OPCML: variants seen among roughly 807,000 people sequenced by gnomAD.
OPCML encodes the protein opioid-binding protein/cell adhesion molecule.
OPCML carries 13 observed loss-of-function variants against 37.8 expected under a neutral mutation model. The ratio of observed to expected loss-of-function variants is 0.34; its 90% CI spans 0.22 to 0.55. The LOEUF (loss-of-function observed/expected upper bound fraction) is 0.55. Ranked by LOEUF, OPCML falls within the 20% of genes least tolerant of loss-of-function variation. OPCML has a pLI of 0.91. For missense variants in OPCML, 341 were observed against 435.6 expected (o/e 0.78, Z 1.93); for synonymous variants, 176 against 168.8 (o/e 1.04, Z -0.33).
intron 1 of OPCML, among the ~76,000 whole-genome samples, chr11:133,025,726 ATTTTTTT>A (rs869296316): frequency 3.3e-5 from 3 of 91,320 alleles, no homozygotes; most frequent in South Asian, 7.8e-4. Context: ...TGCCGATTTG[ATTTTTTT>A]TTTTTTTTTT....
chr11:133,433,759 T>G (rs1168592508), intron 1 of OPCML, among the ~76,000 whole-genome samples: 3 of 152,150 alleles, frequency 2.0e-5, no homozygotes, highest in Non-Finnish European at 4.4e-5. Flanking sequence ...ATCTTCCCCC[T>G]TAACCCACTT....
intron 4 of OPCML, among the ~76,000 whole-genome samples, chr11:132,505,382 A>G (rs1048601111): frequency 5.3e-5 from 8 of 152,160 alleles, no homozygotes; most frequent in Admixed American, 2.0e-4. Flanking sequence ...TTAAAGTGGT[A>G]AGTTTTATGC....
chr11:132,421,629 T>C (rs2095959504), intron 7 of OPCML, among the ~76,000 whole-genome samples: 2 of 152,348 alleles, frequency 1.3e-5, no homozygotes, highest in Middle Eastern at 6.8e-3. Context: ...AAAATATACA[T>C]GCTTTTATGG....
At chr11:132,947,545 C>G (rs1387107418) in intron 1 of OPCML, among the ~76,000 whole-genome samples, 4 of 152,196 alleles carry the variant, frequency 2.6e-5, no homozygotes, top group African/African-American at 9.7e-5. Context: ...CTCTGTGAGC[C>G]TACAGTTGTG....
chr11:133,082,799 T>TCGCGGCC (rs1289564115), intron 1 of OPCML, among the ~76,000 whole-genome samples: 2 of 147,456 alleles, frequency 1.4e-5, no homozygotes, highest in East Asian at 4.2e-4. Flanking sequence ...CTGGGCCTCC[T>TCGCGGCC]CGCGGCCCGG....
chr11:132,988,763 C>T (rs1946724106), intron 1 of OPCML, among the ~76,000 whole-genome samples: 1 of 152,140 alleles, frequency 6.6e-6, no homozygotes, highest in Non-Finnish European at 1.5e-5. Context: ...ATTCATGCCT[C>T]CTTTAGTCTC....
intron 1 of OPCML, among the ~76,000 whole-genome samples, chr11:132,961,675 G>A (rs997861594): frequency 6.6e-6 from 1 of 151,842 alleles, no homozygotes; most frequent in Non-Finnish European, 1.5e-5. Flanking sequence ...GTGGCCTTTG[G>A]TTTCCTCATC....
rs112474125 is a variant in OPCML at position 132,947,721 on chromosome 11, C to T, written c.62-4711G>A. 7.3e-3 allele frequency among the ~76,000 whole-genome samples: 1,104 copies of T among 152,264 alleles called. 18 individuals are homozygous for T. Among genetic ancestry groups the T allele is most frequent in the African/African-American group, 0.026 (1,061 of 41,560 alleles). On this transcript the variant is annotated intron_variant, in intron 1 of 7. Coordinates refer to ENST00000524381, the MANE Select transcript of OPCML (RefSeq NM_001012393.5). ...CAGAACTTTTCTAGGAAATGCTTGG[C>T]TGAGTATCATGACACGGTGGCCCCT...
chr11:132,669,562 G>T (rs1457099656), intron 2 of OPCML, among the ~76,000 whole-genome samples: 1 of 152,146 alleles, frequency 6.6e-6, no homozygotes, highest in Non-Finnish European at 1.5e-5. Flanking sequence ...ACAGAAAAAT[G>T]CACTGAGCAA....
chr11:132,784,359 C>T (rs1947133580), intron 2 of OPCML, among the ~76,000 whole-genome samples: 1 of 152,148 alleles, frequency 6.6e-6, no homozygotes, highest in African/African-American at 2.4e-5. Context: ...AGAATGACTT[C>T]TATCTAGTTA....
intron 1 of OPCML, among the ~76,000 whole-genome samples, chr11:132,976,873 C>T (rs1408591559): frequency 1.3e-5 from 2 of 152,090 alleles, no homozygotes; most frequent in Non-Finnish European, 2.9e-5. Flanking sequence ...CCACGGAATT[C>T]CTTATTTCAA....
rs532273847 is a variant in OPCML, at chr11:132,451,224, G to A, written c.506-13865C>T. 1.2e-4 allele frequency among the ~76,000 whole-genome samples: 18 copies of A among 152,284 alleles called. No individual in the cohort carries two copies. In the South Asian group the frequency reaches 3.5e-3, roughly 30 times the overall value. ...CATTTCCATCAATTATTACTGAGCT[G>A]AACATAATTTTTCTATCACCAGCAG... On this transcript the variant is annotated intron_variant, in intron 4 of 7. Transcript: ENST00000524381.
At chr11:133,321,784 A>G (rs1017456442) in intron 1 of OPCML, among the ~76,000 whole-genome samples, 2 of 152,192 alleles carry the variant, frequency 1.3e-5, no homozygotes, top group Non-Finnish European at 2.9e-5. Flanking sequence ...CGGTTATTAG[A>G]AACTCGAGTT....
At chr11:133,056,196 G>A (rs1948235802) in intron 1 of OPCML, among the ~76,000 whole-genome samples, 1 of 152,230 alleles carries the variant, frequency 6.6e-6, no homozygotes, top group Non-Finnish European at 1.5e-5. Flanking sequence ...TATTCTATAT[G>A]TGATATCTAA....
chr11:132,698,232 A>C (rs187555091), intron 2 of OPCML, among the ~76,000 whole-genome samples: 1 of 152,004 alleles, frequency 6.6e-6, no homozygotes. Flanking sequence ...CTGTTTCCAC[A>C]ATGGCTATAC....
At chr11:133,408,881 TG>T (rs1158228737) in intron 1 of OPCML, among the ~76,000 whole-genome samples, 1 of 152,194 alleles carries the variant, frequency 6.6e-6, no homozygotes, top group Non-Finnish European at 1.5e-5. Context: ...TAATAGAGTC[TG>T]GGGATTAGAC....
chr11:133,013,853 G>A (rs1947266876), intron 1 of OPCML, among the ~76,000 whole-genome samples: 1 of 152,174 alleles, frequency 6.6e-6, no homozygotes, highest in Middle Eastern at 3.2e-3. Flanking sequence ...CTGGGTAAGA[G>A]ACCAAAATTT....
intron 2 of OPCML, among the ~76,000 whole-genome samples, chr11:132,841,605 C>T (rs895675211): frequency 6.6e-6 from 1 of 151,968 alleles, no homozygotes; most frequent in Non-Finnish European, 1.5e-5. Flanking sequence ...CTTTTGAGGA[C>T]GGGCCTGGTG....
Position 133,257,515 on chromosome 11 carries a change from G to T in OPCML, c.61+274749C>A, listed in dbSNP as rs114219868. ...TGGCTGCTTCATCCATAGATGCCTA[G>T]GCCTCTCTCTGCTCCTGTGGCCCCT... is the stretch of plus-strand genomic sequence containing the variant. On this transcript the variant is annotated intron_variant, in intron 1 of 7. Coordinates refer to ENST00000524381, the MANE Select transcript of OPCML (RefSeq NM_001012393.5). Among the ~76,000 whole-genome samples, 949 of 152,246 alleles carry T rather than the reference G, an allele frequency of 6.2e-3. 8 individuals are homozygous for T. Among genetic ancestry groups the T allele is most frequent in the African/African-American group, 0.021 (890 of 41,534 alleles).
Sources: gnomAD v4.1 joint callset for allele counts (sites outside exome capture counted in the v4.1 genomes callset) on GRCh38, gnomAD v4.1.1 for gene constraint, MANE v1.5 for transcripts, NCBI Gene and HGNC (gene_info 2026-07-23, HGNC 2026-07-21) for gene names.